MDN1: variants seen among roughly 807,000 people sequenced by gnomAD.
MDN1 encodes midasin AAA ATPase 1, also known as midasin.
Under a neutral mutation model 669.2 loss-of-function variants are expected in MDN1, and 266 were observed. That is an observed-to-expected ratio of 0.40 (90% CI 0.36 to 0.44). The LOEUF is 0.44. MDN1 is among the 20% of genes least tolerant of loss of function. The pLI, the probability that MDN1 is intolerant of heterozygous loss-of-function variation, is 1.00. For synonymous variants in MDN1, 2,385 were observed against 2,457.1 expected, an observed-to-expected ratio of 0.97 and a Z score of 0.87; for missense variants, 5,940 against 6,754.0, an observed-to-expected ratio of 0.88 and a Z score of 4.22.
chr6:89,724,711 AG>A (rs1815093417), intron 38 of MDN1, among the ~76,000 whole-genome samples: 1 of 152,258 alleles, frequency 6.6e-6, no homozygotes, highest in South Asian at 2.1e-4. Context: ...AAAACAAGTA[AG>A]CATACACATA....
chr6:89,805,935 G>T (rs749626401), intron 1 of MDN1, among the ~76,000 whole-genome samples: 1 of 151,964 alleles, frequency 6.6e-6, no homozygotes, highest in African/African-American at 2.4e-5. Flanking sequence ...GCCCTCTAAA[G>T]ATACCTTTTT....
At position 89,688,711 on chromosome 6, in the gene MDN1, C is replaced by T; in HGVS notation, c.11121G>A (p.Val3707=). The part of the protein sequence containing the change: ...LFGEAPSDLM[V]KPDGPYDFYQ... ...AGAAGTCATAGGGCCCATCAGGTTT[C>T]ACCATCAGGTCTGAGGGTGCCTCCC... The change falls in exon 66 of 102, where the codon GTG becomes GTA. Residue 3707 remains valine, a synonymous_variant. Coordinates refer to ENST00000369393, the MANE Select transcript of MDN1 (RefSeq NM_014611.3). 1 of 1,614,196 alleles carries T rather than the reference C, an allele frequency of 6.2e-7. No individual in the cohort carries two copies.
rs150815320 is a variant in MDN1 at position 89,787,833 on chromosome 6, A to T, written c.1334+21T>A. 477 of 1,580,170 alleles carry T rather than the reference A, an allele frequency of 3.0e-4. No individual in the cohort carries two copies. The African/African-American group carries it at 3.4e-3, about 11-fold the overall frequency. ...GAGTAAGTGGCTCCAGAGTGAAAAC[A>T]GAAAGGTTACTAGTACATACCTCCT... On this transcript the variant is annotated intron_variant, in intron 8 of 101. Coordinates refer to ENST00000369393, the MANE Select transcript of MDN1 (RefSeq NM_014611.3).
chr6:89,661,965 G>T, intron 87 of MDN1, 122 bp downstream of exon 87: 1 of 1,100,710 alleles, frequency 9.1e-7, no homozygotes. Flanking sequence ...ATTCTTTTAT[G>T]AGGTAATGGG....
At chr6:89,792,749 G>A (rs954144987) in intron 5 of MDN1, among the ~76,000 whole-genome samples, 20 of 151,234 alleles carry the variant, frequency 1.3e-4, no homozygotes, top group African/African-American at 4.6e-4. Context: ...CTTATTCCAA[G>A]AAGAAAAGTG....
rs751559977 is a variant in MDN1 at position 89,718,870 on chromosome 6, G to T, written c.6218C>A (p.Thr2073Asn). 3 of 1,614,146 alleles carry T rather than the reference G, an allele frequency of 1.9e-6. No homozygotes were observed. In the South Asian group the frequency reaches 3.3e-5, roughly 18 times the overall value. ...GTGTGCCAGAAGCTGGACCAGGCTG[G>T]TCTTGCCCACAGAGGCTGGCCCGAC... ...ILVGPASVGKTSLVQLLAHLT... is the reference protein window; with the variant it reads ...ILVGPASVGKNSLVQLLAHLT... Residue 2073 changes from threonine (T) to asparagine (N), a missense_variant, in exon 42 of 102, where the codon ACC becomes AAC. Transcript: ENST00000369393.
chr6:89,750,389 G>A lies in MDN1; in HGVS notation c.3371C>T (p.Thr1124Met), dbSNP rs116598699. 20 of 1,613,038 alleles carry A rather than the reference G, an allele frequency of 1.2e-5. No homozygotes were observed. Among genetic ancestry groups the A allele is most frequent in the East Asian group, 2.2e-5 (1 of 44,862 alleles). ...TDIQEYIGCY[T>M]SDSSGKLVFK... ...GACAAGCTTCCCTGAGGAGTCAGAC[G>A]TGTAACAACCAATGTACTCCTGAAT... Residue 1124 changes from threonine to methionine, a missense_variant, in exon 24 of 102, where the codon ACG (threonine) becomes ATG (methionine). Thr to Met is a moderately conservative substitution (Grantham distance 81). Transcript: ENST00000369393.
In MDN1 at chr6:89,658,787, A is replaced by C. The variant is rs553604863; in HGVS notation, c.14844T>G (p.Asp4948Glu). ...PQEPEEGPSE[D>E]DKAEGEEEMD... The stretch of plus-strand genomic sequence containing the variant: ...TTTCCTCTTCCCCTTCTGCCTTGTC[A>C]TCTTCACTGGGGCCTTCCTCAGGCT... The change falls in exon 89 of 102, where the codon GAT becomes GAG. Residue 4948 changes from aspartate to glutamate, a missense_variant. Asp to Glu is a conservative substitution (Grantham distance 45, BLOSUM62 2). Coordinates refer to ENST00000369393, the MANE Select transcript of MDN1 (RefSeq NM_014611.3). 1 of 1,613,840 alleles carries C rather than the reference A, an allele frequency of 6.2e-7. No homozygotes were observed. Among genetic ancestry groups the C allele is most frequent in the South Asian group, 1.1e-5 (1 of 91,046 alleles).
At chr6:89,764,422 T>C (rs1817701045) in intron 15 of MDN1, among the ~76,000 whole-genome samples, 1 of 152,144 alleles carries the variant, frequency 6.6e-6, no homozygotes, top group Non-Finnish European at 1.5e-5. Context: ...GTGGGCAACA[T>C]GGTGAAACCC....
At chr6:89,648,445 A>G in intron 97 of MDN1, 116 bp from the exon 98 acceptor site, 1 of 904,054 alleles carries the variant, frequency 1.1e-6, no homozygotes, top group South Asian at 1.5e-5. Context: ...TGGCAAGTAG[A>G]GGAATAACAT....
intron 1 of MDN1, among the ~76,000 whole-genome samples, chr6:89,811,091 GTA>G (rs1491553495): frequency 6.6e-6 from 1 of 152,170 alleles, no homozygotes; most frequent in Non-Finnish European, 1.5e-5. Context: ...GGACTTCTAA[GTA>G]TATTTTTGAC....
chr6:89,818,686 T>C (rs1373523003), intron 1 of MDN1, among the ~76,000 whole-genome samples: 2 of 151,800 alleles, frequency 1.3e-5, no homozygotes, highest in Non-Finnish European at 2.9e-5. Flanking sequence ...GGCGCTCGCC[T>C]GTAATCCCAG....
intron 93 of MDN1, 27 bp from the exon 94 acceptor site, chr6:89,653,182 A>G: frequency 6.3e-7 from 1 of 1,595,340 alleles, no homozygotes; most frequent in Non-Finnish European, 8.5e-7. Context: ...ACATAATTTT[A>G]CTTATAATAT....
Position 89,643,979 on chromosome 6 carries a change from T to G in MDN1, c.*26A>C. 1 of 1,559,296 alleles carries G rather than the reference T, an allele frequency of 6.4e-7. No homozygotes were observed. Among genetic ancestry groups the G allele is most frequent in the Non-Finnish European group, 8.7e-7 (1 of 1,152,282 alleles). On this transcript the variant is annotated 3_prime_UTR_variant, in exon 102 of 102. Coordinates refer to ENST00000369393, the MANE Select transcript of MDN1 (RefSeq NM_014611.3). ...ATGTGACCTTCTGACCACAGTTAAG[T>G]CTCACTTTGGACTCTTCTTTCTGTT...
intron 27 of MDN1, among the ~76,000 whole-genome samples, chr6:89,746,310 C>G (rs1444695925): frequency 6.6e-6 from 1 of 152,130 alleles, no homozygotes; most frequent in Non-Finnish European, 1.5e-5. Context: ...GTTTGCCGGG[C>G]ATGGTGGCTC....
chr6:89,808,535 T>C (rs183560013), intron 1 of MDN1, among the ~76,000 whole-genome samples: 361 of 152,296 alleles, frequency 2.4e-3, no homozygotes, highest in Non-Finnish European at 4.2e-3. Context: ...ATTCTTTGCA[T>C]AGCTCACGAA....
chr6:89,727,931 C>G lies in MDN1; in HGVS notation c.5374G>C (p.Asp1792His), dbSNP rs113708253. ...CCCTTGCCACCTTCAACAGGTAGAT[C>G]TGCTCCAAACAGGTCTGTGATGTCC... ...QTDITDLFGA[D>H]LPVEGGKGGE... Residue 1792 changes from aspartate (D) to histidine (H), a missense_variant, in exon 37 of 102, where the codon GAT becomes CAT. By Grantham distance (81) the Asp-to-His change is moderately conservative. Around this residue, in one of 5 missense-constraint regions of MDN1, gnomAD observed 2,292 missense variants for 2,638.3 expected, o/e 0.87. Coordinates refer to ENST00000369393, the MANE Select transcript of MDN1 (RefSeq NM_014611.3). 203 of 1,613,880 alleles carry G rather than the reference C, an allele frequency of 1.3e-4. No individual in the cohort carries two copies. The African/African-American group carries it at 2.1e-3, about 17-fold the overall frequency.
At chr6:89,676,878 A>G (rs1467057407) in intron 76 of MDN1, among the ~76,000 whole-genome samples, 1 of 152,162 alleles carries the variant, frequency 6.6e-6, no homozygotes, top group African/African-American at 2.4e-5. Context: ...TCAATAGTGT[A>G]TGGACTCGCA....
chr6:89,719,022 G>A lies in MDN1; in HGVS notation c.6066C>T (p.Tyr2022=), dbSNP rs1814625763. Residue 2022 remains tyrosine, a synonymous_variant, in exon 42 of 102, where the codon TAC becomes TAT. Transcript: ENST00000369393. ...CACAGCTCCCACGGGAAAGGACTGA[G>A]TAGCCCAACTGAAAAGACATGCCAG... ...RITPYDVQLG[Y]SVLSRGSCVP... 3 of 1,614,050 alleles carry A rather than the reference G, an allele frequency of 1.9e-6. No individual in the cohort carries two copies. Among genetic ancestry groups the A allele is most frequent in the Non-Finnish European group, 2.5e-6 (3 of 1,180,010 alleles).
Sources: allele counts gnomAD v4.1 joint callset (sites outside exome capture counted in the v4.1 genomes callset), GRCh38; gene constraint gnomAD v4.1.1; regional missense constraint gnomAD v4.1.1; transcripts MANE v1.5; gene names NCBI Gene and HGNC (gene_info 2026-07-23, HGNC 2026-07-21).